Variants in MAMDC2 observed in about 807,000 individuals in gnomAD.
The protein encoded by MAMDC2 is MAM domain-containing protein 2.
MAMDC2 carries 57 observed loss-of-function variants against 89.8 expected under a neutral mutation model. That is an observed-to-expected ratio of 0.63 (90% confidence interval 0.51 to 0.79). MAMDC2 has a LOEUF of 0.79. MAMDC2 is among the 30% of genes least tolerant of loss of function. The pLI, the probability that MAMDC2 is intolerant of heterozygous loss-of-function variation, is 0.00. For synonymous variants in MAMDC2, 313 were observed against 293.4 expected (o/e 1.07, Z -0.68); for missense variants, 800 against 820.6 (o/e 0.97, Z 0.31).
chr9:70,165,517 T>A (rs1563982769), intron 9 of MAMDC2, among the ~76,000 whole-genome samples: 2 of 152,200 alleles, frequency 1.3e-5, no homozygotes, highest in Non-Finnish European at 2.9e-5. Context: ...ACCTTAGGGA[T>A]CTTTTATCAG....
chr9:70,049,752 T>G (rs1826848643), intron 2 of MAMDC2, among the ~76,000 whole-genome samples: 1 of 152,192 alleles, frequency 6.6e-6, no homozygotes, highest in South Asian at 2.1e-4. Flanking sequence ...CTAGTTACAC[T>G]TGCAGTATCA....
chr9:70,045,705 A>G (rs1369998252), intron 2 of MAMDC2, among the ~76,000 whole-genome samples: 1 of 152,112 alleles, frequency 6.6e-6, no homozygotes, highest in Admixed American at 6.6e-5. Context: ...AGGGTTCTGC[A>G]TACATTAGCT....
At chr9:70,217,524 G>GCTT (rs1182634806) in intron 11 of MAMDC2, 7 of 1,561,104 alleles carry the variant, frequency 4.5e-6, no homozygotes, top group African/African-American at 1.4e-5. Context: ...AAGCTATCAG[G>GCTT]GCTGCTAAGG....
intron 9 of MAMDC2, among the ~76,000 whole-genome samples, chr9:70,144,608 A>C (rs1051902297): frequency 6.6e-6 from 1 of 152,242 alleles, no homozygotes; most frequent in African/African-American, 2.4e-5. Context: ...AAGGGTCCCA[A>C]AGAAAAATAA....
intron 11 of MAMDC2, among the ~76,000 whole-genome samples, chr9:70,189,612 CTT>C (rs1563992824): frequency 6.6e-6 from 1 of 152,024 alleles, no homozygotes; most frequent in Non-Finnish European, 1.5e-5. Flanking sequence ...AATGTATAGA[CTT>C]ATATTTTTAA....
At chr9:70,066,520 TA>T (rs937254533) in intron 2 of MAMDC2, among the ~76,000 whole-genome samples, 12 of 150,864 alleles carry the variant, frequency 8.0e-5, no homozygotes, top group African/African-American at 2.2e-4. Flanking sequence ...GAAGGGGAGG[TA>T]GGGGGGCAGC....
chr9:70,179,336 C>A (rs2032580466), intron 11 of MAMDC2, among the ~76,000 whole-genome samples: 1 of 123,154 alleles, frequency 8.1e-6, no homozygotes, highest in Admixed American at 9.7e-5. Context: ...CACGGTGAAA[C>A]CTCGTCTCTA....
At chr9:70,125,396 G>T (rs1277003874) in intron 5 of MAMDC2, among the ~76,000 whole-genome samples, 1 of 152,184 alleles carries the variant, frequency 6.6e-6, no homozygotes, top group Non-Finnish European at 1.5e-5. Flanking sequence ...AGGTCACAGG[G>T]CTAGTAAGAA....
intron 2 of MAMDC2, among the ~76,000 whole-genome samples, chr9:70,096,985 C>T (rs1460159319): frequency 6.6e-6 from 1 of 152,128 alleles, no homozygotes; most frequent in East Asian, 1.9e-4. Context: ...AGCCAAACAC[C>T]CCAGATGTGG....
At chr9:70,221,380 T>TATATATAGAGAGAGAGAG in intron 12 of MAMDC2, among the ~76,000 whole-genome samples, 3 of 7,042 alleles carry the variant, frequency 4.3e-4, no homozygotes, top group East Asian at 9.8e-3. Context: ...TATATATATA[T>TATATATAGAGAGAGAGAG]AGAGAGAGAG....
intron 11 of MAMDC2, among the ~76,000 whole-genome samples, chr9:70,195,666 C>T (rs1193360117): frequency 1.3e-5 from 2 of 152,062 alleles, no homozygotes; most frequent in Admixed American, 6.6e-5. Context: ...TGCTCTCTGA[C>T]CATGAGTCAC....
rs79468073 is a variant in MAMDC2 at position 70,218,559 on chromosome 9, G to C, written c.1874G>C (p.Arg625Pro). 1 of 1,613,726 alleles carries C rather than the reference G, an allele frequency of 6.2e-7. No homozygotes were observed. Among genetic ancestry groups the C allele is most frequent in the Non-Finnish European group, 8.5e-7 (1 of 1,179,864 alleles). Residue 625 changes from arginine (R) to proline (P), a missense_variant, in exon 12 of 14, where the codon CGA (arginine) becomes CCA (proline). Transcript: ENST00000377182. ...RRGEQSISWL[R>P]ALIEYSCERQ... ...GGTGAACAGAGCATTTCCTGGCTAC[G>C]AGCACTGATTGAATACAGCTGTGAG... is the stretch of plus-strand genomic sequence containing the variant.
chr9:70,055,914 A>G (rs896124581), intron 2 of MAMDC2, among the ~76,000 whole-genome samples: 1 of 152,206 alleles, frequency 6.6e-6, no homozygotes, highest in African/African-American at 2.4e-5. Context: ...TGCTTTTGCA[A>G]GCTGGTTGCC....
chr9:70,181,789 T>C (rs1026424962), intron 11 of MAMDC2, among the ~76,000 whole-genome samples: 2 of 152,196 alleles, frequency 1.3e-5, no homozygotes, highest in Non-Finnish European at 2.9e-5. Context: ...TATACAATCA[T>C]GTCATCTGCA....
intron 2 of MAMDC2, chr9:70,081,603 A>G (rs1327389457): frequency 3.9e-5 from 6 of 152,132 alleles, no homozygotes; most frequent in Admixed American, 1.3e-4. Flanking sequence ...CACAAGTAAA[A>G]TTAGGGGATA....
intron 11 of MAMDC2, among the ~76,000 whole-genome samples, chr9:70,193,782 C>T (rs913921274): frequency 1.3e-5 from 2 of 151,988 alleles, no homozygotes; most frequent in Non-Finnish European, 2.9e-5. Flanking sequence ...TGAATGAATG[C>T]GGTGCACTCT....
At chr9:70,130,100 T>C (rs775124443) in intron 6 of MAMDC2, among the ~76,000 whole-genome samples, 33 of 151,878 alleles carry the variant, frequency 2.2e-4, no homozygotes, top group Non-Finnish European at 4.3e-4. Context: ...TCGTTTAAAT[T>C]AGAGGCTCAC....
At chr9:70,120,139 T>C (rs1023898848) in intron 5 of MAMDC2, among the ~76,000 whole-genome samples, 2 of 152,208 alleles carry the variant, frequency 1.3e-5, no homozygotes, top group African/African-American at 4.8e-5. Context: ...CCTCAAACTC[T>C]GGAAGTGCAT....
chr9:70,197,188 A>G (rs1019077534), intron 11 of MAMDC2, among the ~76,000 whole-genome samples: 2 of 152,154 alleles, frequency 1.3e-5, no homozygotes, highest in Non-Finnish European at 2.9e-5. Flanking sequence ...ATCTGGATGT[A>G]ATCTGTTCTG....
Sources: gnomAD v4.1 joint callset for allele counts (sites outside exome capture counted in the v4.1 genomes callset) on GRCh38, gnomAD v4.1.1 for gene constraint, MANE v1.5 for transcripts, NCBI Gene and HGNC (gene_info 2026-07-23, HGNC 2026-07-21) for gene names.